NDUFA10: variants seen among roughly 807,000 people sequenced by gnomAD.
NDUFA10 encodes NADH dehydrogenase [ubiquinone] 1 alpha subcomplex subunit 10, mitochondrial.
In NDUFA10, 40 loss-of-function variants were observed where a neutral mutation model predicts 47.8. The observed-to-expected ratio is 0.84, with a 90% CI of 0.65 to 1.09. NDUFA10 has a LOEUF of 1.09. NDUFA10 is among the 50% of genes least tolerant of loss of function. The probability of loss-of-function intolerance (pLI) is 0.00; values close to 1 mark genes in which losing one functional copy is unlikely to be tolerated. For missense variants in NDUFA10, 413 were observed against 451.1 expected, an observed-to-expected ratio of 0.92 and a Z score of 0.76; for synonymous variants, 183 against 172.2, an observed-to-expected ratio of 1.06 and a Z score of -0.49.
intron 8 of NDUFA10, among the ~76,000 whole-genome samples, chr2:239,996,978 G>A (rs1485365114): frequency 6.6e-6 from 1 of 151,700 alleles, no homozygotes; most frequent in African/African-American, 2.4e-5. Context: ...CAATAATATA[G>A]TATTATAATA....
downstream of NDUFA10, among the ~76,000 whole-genome samples, chr2:239,953,743 G>C (rs934841688): frequency 2.0e-5 from 3 of 152,236 alleles, no homozygotes; most frequent in African/African-American, 7.2e-5. Flanking sequence ...GCCAGGCAGA[G>C]GCTTGTCCTT....
At chr2:239,972,056 G>A (rs1695323926) in intron 9 of NDUFA10, among the ~76,000 whole-genome samples, 3 of 151,986 alleles carry the variant, frequency 2.0e-5, no homozygotes, top group African/African-American at 2.4e-5. Context: ...CACTTCTCTT[G>A]GGGGATGTTT....
chr2:239,899,055 A>ATGGAGGG lies in NDUFA10; in HGVS notation c.295-3742_295-3741insCCCTCCA, dbSNP rs1693470149. Among the ~76,000 whole-genome samples, 3 of 11,840 alleles carry ATGGAGGG rather than the reference A, an allele frequency of 2.5e-4. 1 individual carries two copies. Among genetic ancestry groups the ATGGAGGG allele is most frequent in the Non-Finnish European group, 5.3e-4 (3 of 5,690 alleles). 7.8% of individuals were successfully genotyped at this position (11,840 alleles called of 152,430 possible). A position where few individuals can be genotyped will look rare whatever the true frequency, so the allele number is the denominator to read the frequency against. ...GTGTAAAGGAGGGGTGTGATGGAGG[A>ATGGAGGG]GTGTGATGGAGGGGTGTGATGGAGG... On this transcript the variant is annotated intron_variant, in intron 4 of 5. Transcript: ENST00000419408.
intron 8 of NDUFA10, among the ~76,000 whole-genome samples, chr2:240,004,800 C>T (rs989619234): frequency 2.6e-5 from 4 of 152,178 alleles, no homozygotes; most frequent in Admixed American, 2.0e-4. Context: ...GGCCTCATCC[C>T]GAGAGAGGCC....
chr2:240,024,772 G>A (rs1416505264), intron 1 of NDUFA10, among the ~76,000 whole-genome samples: 1 of 152,188 alleles, frequency 6.6e-6, no homozygotes, highest in Non-Finnish European at 1.5e-5. Flanking sequence ...AATGAGAGTA[G>A]TCAGTCAGAG....
intron 9 of NDUFA10, among the ~76,000 whole-genome samples, chr2:239,963,580 A>T (rs1218036642): frequency 6.6e-6 from 1 of 152,196 alleles, no homozygotes; most frequent in East Asian, 1.9e-4. Context: ...AGAGAGAGAA[A>T]GAGCTGGTCA....
downstream of NDUFA10, among the ~76,000 whole-genome samples, chr2:239,955,791 G>A (rs1017455064): frequency 1.3e-5 from 2 of 152,154 alleles, no homozygotes; most frequent in East Asian, 3.9e-4. Context: ...CCACGGCCAG[G>A]GGACAGTGGA....
At chr2:239,943,184 C>T (rs981994689) in intron 4 of NDUFA10, 1 of 154,480 alleles carries the variant, frequency 6.5e-6, no homozygotes, top group African/African-American at 2.4e-5. Flanking sequence ...CATTGCAAGA[C>T]TCCCTGTCTC....
chr2:239,983,795 G>A, intron 9 of NDUFA10: 2 of 1,510,370 alleles, frequency 1.3e-6, no homozygotes, highest in South Asian at 2.5e-5. Flanking sequence ...TAAAAACAAA[G>A]TCTGAGAAAA....
chr2:239,907,930 A>C (rs1693684580), intron 4 of NDUFA10, among the ~76,000 whole-genome samples: 1 of 152,236 alleles, frequency 6.6e-6, no homozygotes, highest in Non-Finnish European at 1.5e-5. Flanking sequence ...TCGTGCTGCT[A>C]TAAAGACACA....
intron 8 of NDUFA10, among the ~76,000 whole-genome samples, chr2:239,990,850 G>T (rs778705983): frequency 8.6e-5 from 13 of 151,768 alleles, no homozygotes; most frequent in Non-Finnish European, 1.8e-4. Flanking sequence ...ATTAAATATA[G>T]TCTGAATATA....
rs761235616 is a variant in NDUFA10, at chr2:239,987,256, TGGA to T, written c.999+2815_999+2817del. On this transcript the variant is annotated intron_variant, in intron 9 of 9. Coordinates refer to ENST00000252711, the MANE Select transcript of NDUFA10 (RefSeq NM_004544.4). The surrounding 1 kb of genome is among the most constrained non-coding windows in gnomAD (Gnocchi z 4.8). ...GACTCTGACAGCTGTCCTGGGGTTG[TGGA>T]GGAGAACACCCTTGTTTGTGAGAAT... is the stretch of plus-strand genomic sequence containing the variant. Among the ~76,000 whole-genome samples, 25 of 152,064 alleles carry T rather than the reference TGGA, an allele frequency of 1.6e-4. No individual in the cohort carries two copies. Among genetic ancestry groups the T allele is most frequent in the Non-Finnish European group, 1.8e-4 (12 of 68,006 alleles).
At position 240,021,339 on chromosome 2, in the gene NDUFA10, G is replaced by A. The variant is rs762242029; in HGVS notation, c.318C>T (p.Thr106=). ...CCAAACTACAGTTGCCATTATAGTCGGTGGCGAGGGGCTTCCCATCTCCTG... is the reference window on the plus strand; with the variant it reads ...CCAAACTACAGTTGCCATTATAGTCAGTGGCGAGGGGCTTCCCATCTCCTG... ...STTGDGKPLA[T]DYNGNCSLEK... The change falls in exon 3 of 10, where the codon ACC becomes ACT. Residue 106 remains threonine, a synonymous_variant. Transcript: ENST00000252711. 7.4e-6 allele frequency: 12 copies of A among 1,614,042 alleles called. No homozygotes were observed. Among genetic ancestry groups the A allele is most frequent in the South Asian group, 1.1e-5 (1 of 91,086 alleles).
chr2:239,942,360 G>C (rs1200239014), intron 4 of NDUFA10, among the ~76,000 whole-genome samples: 1 of 152,230 alleles, frequency 6.6e-6, no homozygotes, highest in Non-Finnish European at 1.5e-5. Context: ...TTTCCGACAA[G>C]CTCCCAGGTG....
chr2:239,948,860 T>C (rs1313665909), intron 4 of NDUFA10, among the ~76,000 whole-genome samples: 1 of 152,200 alleles, frequency 6.6e-6, no homozygotes, highest in Middle Eastern at 3.2e-3. Flanking sequence ...GAGGCCTGTG[T>C]ATTTATTTTG....
chr2:239,956,029 C>T (rs750024679), downstream of NDUFA10, among the ~76,000 whole-genome samples: 1 of 152,172 alleles, frequency 6.6e-6, no homozygotes, highest in East Asian at 1.9e-4. Context: ...GGGAAAAAAA[C>T]AGCAAAAGGA....
At chr2:240,014,307 G>A (rs887186167) in intron 5 of NDUFA10, 2 of 284,098 alleles carry the variant, frequency 7.0e-6, no homozygotes, top group East Asian at 8.8e-5. Context: ...AAGAAAAAGG[G>A]GGAGAGGCAC....
chr2:240,007,372 T>C lies in NDUFA10; in HGVS notation c.750-2A>G. 1.3e-6 allele frequency: 2 copies of C among 1,579,118 alleles called. No homozygotes were observed. The highest frequency in any genetic ancestry group is 1.7e-6 in the Non-Finnish European group (2 of 1,148,186). ...TATTGTAAAACCTCACATTTTTCAC[T>C]GTAAGAAAAAACAAGATGAAATTCA... On this transcript the variant is annotated splice_acceptor_variant, in intron 6 of 9. Transcript: ENST00000252711. LOFTEE classifies it high-confidence loss of function.
chr2:240,000,110 A>C (rs1315966183), intron 8 of NDUFA10, among the ~76,000 whole-genome samples: 1 of 152,242 alleles, frequency 6.6e-6, no homozygotes. Context: ...ATTCTCATCA[A>C]TGACCATGTT....
Sources: allele counts gnomAD v4.1 joint callset (sites outside exome capture counted in the v4.1 genomes callset), GRCh38; gene constraint gnomAD v4.1.1; non-coding constraint Gnocchi (gnomAD v3.1); transcripts MANE v1.5; gene names NCBI Gene and HGNC (gene_info 2026-07-23, HGNC 2026-07-21).